The following ADAMTS17 variants were observed in gnomAD, a reference collection of about 807,000 sequenced individuals.
The protein encoded by ADAMTS17 is A disintegrin and metalloproteinase with thrombospondin motifs 17.
A neutral mutation model predicts 141.5 loss-of-function variants in ADAMTS17; 113 were observed. That is an observed-to-expected ratio of 0.80 (90% CI 0.69 to 0.93). The LOEUF is 0.93. ADAMTS17 is among the 40% of genes least tolerant of loss of function. The pLI, the probability that ADAMTS17 is intolerant of heterozygous loss-of-function variation, is 0.00. For synonymous variants in ADAMTS17, 768 were observed against 630.6 expected (o/e 1.22, Z -3.27); for missense variants, 1,659 against 1,517.9 (o/e 1.09, Z -1.54).
At chr15:100,078,755 G>T (rs75556857) in intron 15 of ADAMTS17, among the ~76,000 whole-genome samples, 2,877 of 152,208 alleles carry the variant, frequency 0.019, 92 homozygotes, top group African/African-American at 0.064. Context: ...TGTTTCAAAA[G>T]ATACCATCAA....
chr15:99,975,641 G>A (rs1219867285), intron 21 of ADAMTS17, among the ~76,000 whole-genome samples: 1 of 152,182 alleles, frequency 6.6e-6, no homozygotes, highest in Non-Finnish European at 1.5e-5. Context: ...ACGCCTGTCT[G>A]CTGCTCAAGC....
intron 7 of ADAMTS17, among the ~76,000 whole-genome samples, chr15:100,200,766 T>C (rs548254865): frequency 1.1e-4 from 16 of 152,106 alleles, no homozygotes; most frequent in Non-Finnish European, 2.1e-4. Flanking sequence ...GGATGGGCTG[T>C]GGCCACCAGG....
chr15:100,038,506 TTGAGA>T (rs1181507597), intron 18 of ADAMTS17, among the ~76,000 whole-genome samples: 1 of 150,978 alleles, frequency 6.6e-6, no homozygotes, highest in Non-Finnish European at 1.5e-5. Context: ...GAATGTCTAT[TTGAGA>T]TATTTTTGTA....
chr15:100,179,789 T>G (rs1230472737), intron 8 of ADAMTS17, among the ~76,000 whole-genome samples: 1 of 152,224 alleles, frequency 6.6e-6, no homozygotes, highest in African/African-American at 2.4e-5. Context: ...ATTTCTCTGA[T>G]GATCAATGAT....
At chr15:100,018,500 CAGG>C (rs1284510713) in intron 18 of ADAMTS17, among the ~76,000 whole-genome samples, 1 of 152,166 alleles carries the variant, frequency 6.6e-6, no homozygotes, top group Non-Finnish European at 1.5e-5. Context: ...AGTAAGTTCT[CAGG>C]AGATCTGGTT....
chr15:100,022,845 C>T (rs1458094705), intron 18 of ADAMTS17, among the ~76,000 whole-genome samples: 1 of 152,102 alleles, frequency 6.6e-6, no homozygotes, highest in Non-Finnish European at 1.5e-5. Context: ...GTAAGCCTTC[C>T]AAGCAGAAAG....
chr15:100,172,186 A>G (rs1353021182), intron 8 of ADAMTS17, among the ~76,000 whole-genome samples: 2 of 152,198 alleles, frequency 1.3e-5, no homozygotes, highest in Admixed American at 6.5e-5. Flanking sequence ...GTGGCTGCAC[A>G]GTGGAATCCC....
intron 15 of ADAMTS17, among the ~76,000 whole-genome samples, chr15:100,091,071 C>T (rs1389109058): frequency 6.7e-6 from 1 of 149,122 alleles, no homozygotes; most frequent in African/African-American, 2.5e-5. Context: ...GAAAGGCAGG[C>T]CCTCTGTCCA....
Position 100,152,869 on chromosome 15 carries a change from C to T in ADAMTS17, c.1323-107G>A. ...TTCAGTCACTGAGAAGAGGGCACCTCCACGTTCCTTATGGAAAAAGGACGC... is the reference window on the plus strand; with the variant it reads ...TTCAGTCACTGAGAAGAGGGCACCTTCACGTTCCTTATGGAAAAAGGACGC... On this transcript the variant is annotated intron_variant, in intron 9 of 21. Transcript: ENST00000268070. The T allele has an allele frequency of 7.2e-6, 10 of 1,397,422 alleles. 1 individual carries two copies. In the South Asian group the frequency reaches 1.2e-4, roughly 16 times the overall value. 86.6% of individuals were successfully genotyped at this position (1,397,422 alleles called of 1,614,324 possible). A position where few individuals can be genotyped will look rare whatever the true frequency, so the allele number is the denominator to read the frequency against.
intron 8 of ADAMTS17, among the ~76,000 whole-genome samples, chr15:100,174,342 A>T (rs1444550551): frequency 6.6e-6 from 1 of 152,034 alleles, no homozygotes; most frequent in East Asian, 1.9e-4. Context: ...GTCTGCCCTG[A>T]CAGGGAATAT....
chr15:100,165,804 T>C (rs1479812649), intron 8 of ADAMTS17, among the ~76,000 whole-genome samples: 1 of 152,184 alleles, frequency 6.6e-6, no homozygotes, highest in African/African-American at 2.4e-5. Flanking sequence ...GAAAAGGCTG[T>C]AGGATGTTAA....
intron 15 of ADAMTS17, 32 bp from the exon 16 acceptor site, chr15:100,054,086 G>A (rs1247947446): frequency 5.6e-6 from 9 of 1,613,880 alleles, no homozygotes; most frequent in Non-Finnish European, 7.6e-6. Context: ...AAAGAATCAA[G>A]GGGCTGGGGG....
chr15:100,338,503 C>T (rs1022370192), intron 2 of ADAMTS17, among the ~76,000 whole-genome samples: 4 of 152,212 alleles, frequency 2.6e-5, no homozygotes, highest in Non-Finnish European at 5.9e-5. Flanking sequence ...TCCATTCGCT[C>T]GTATGCCATC....
chr15:99,978,372 G>A (rs2141274934), intron 20 of ADAMTS17: 1 of 152,314 alleles, frequency 6.6e-6, no homozygotes, highest in South Asian at 2.1e-4. Flanking sequence ...GCTTTTTTCA[G>A]CTCACAAAGG....
chr15:100,061,773 T>C (rs1010971514), intron 15 of ADAMTS17, among the ~76,000 whole-genome samples: 6 of 152,302 alleles, frequency 3.9e-5, no homozygotes, highest in African/African-American at 1.4e-4. Flanking sequence ...CTGGGCTTGA[T>C]GGAAGAACCA....
chr15:100,069,618 C>T lies in ADAMTS17; in HGVS notation c.2138-15564G>A, dbSNP rs1236997266. Among the ~76,000 whole-genome samples the T allele has an allele frequency of 3.9e-5, 6 of 152,196 alleles. No individual in the cohort carries two copies. In the East Asian group the frequency reaches 7.7e-4, roughly 20 times the overall value. On this transcript the variant is annotated intron_variant, in intron 15 of 21. Transcript: ENST00000268070. ...ATTCTTAAAGAAAGGAATTTTCAAC[C>T]CAGAATTTCATATCCAGCCAAACTA...
At chr15:100,269,385 C>A (rs2043826934) in intron 4 of ADAMTS17, among the ~76,000 whole-genome samples, 2 of 152,218 alleles carry the variant, frequency 1.3e-5, no homozygotes, top group Admixed American at 1.3e-4. Flanking sequence ...GAATAAGCTT[C>A]TTTTATACTC....
At chr15:100,133,008 A>G (rs934370833) in intron 11 of ADAMTS17, among the ~76,000 whole-genome samples, 1 of 152,210 alleles carries the variant, frequency 6.6e-6, no homozygotes, top group Non-Finnish European at 1.5e-5. Flanking sequence ...ATATTAAGTA[A>G]ATGATACTTG....
At chr15:100,075,933 TAC>T (rs780226891) in intron 15 of ADAMTS17, among the ~76,000 whole-genome samples, 1 of 152,232 alleles carries the variant, frequency 6.6e-6, no homozygotes. Flanking sequence ...TGACCTCTCC[TAC>T]GTATGTCCTC....
Sources: allele counts gnomAD v4.1 joint callset (sites outside exome capture counted in the v4.1 genomes callset), GRCh38; gene constraint gnomAD v4.1.1; transcripts MANE v1.5; gene names NCBI Gene and HGNC (gene_info 2026-07-23, HGNC 2026-07-21).